PDE4A: variants seen among roughly 807,000 people sequenced by gnomAD.
PDE4A encodes 3',5'-cyclic-AMP phosphodiesterase 4A.
A neutral mutation model predicts 73.9 loss-of-function variants in PDE4A; 21 were observed. That is an observed-to-expected ratio of 0.28 (90% CI 0.20 to 0.41). The LOEUF is 0.41. Ranked by LOEUF, PDE4A falls within the 10% of genes least tolerant of loss-of-function variation. The pLI is 1.00. For missense variants in PDE4A, 958 were observed against 1,211.4 expected, an observed-to-expected ratio of 0.79 and a Z score of 3.10; for synonymous variants, 463 against 505.4, an observed-to-expected ratio of 0.92 and a Z score of 1.13.
chr19:10,420,548 G>T lies in PDE4A; in HGVS notation c.-217G>T, dbSNP rs753859. On this transcript the variant is annotated 5_prime_UTR_variant, in exon 1 of 15. Transcript: ENST00000380702. This position sits in a 1 kb window ranked among gnomAD's most constrained non-coding sequence, Gnocchi z 6.0. ...AGCGCGGAGCGCGGAGAGCGCCGCCGGGCACTGAGCAGAGCTCCAGGCGCC... is the reference window on the plus strand; with the variant it reads ...AGCGCGGAGCGCGGAGAGCGCCGCCTGGCACTGAGCAGAGCTCCAGGCGCC... The T allele has an allele frequency of 7.7e-6, 9 of 1,170,782 alleles. No individual in the cohort carries two copies. The highest frequency in any genetic ancestry group is 2.1e-6 in the Non-Finnish European group (2 of 944,164). 72.5% of individuals were successfully genotyped at this position (1,170,782 alleles called of 1,614,324 possible).
chr19:10,420,399 C>T (rs970300913), upstream of PDE4A: 78 of 972,918 alleles, frequency 8.0e-5, no homozygotes, highest in Admixed American at 6.8e-4. The surrounding 1 kb of genome is among the most constrained non-coding windows in gnomAD (Gnocchi z 6.0). Flanking sequence ...TAGGTAGCTG[C>T]CCCCCGCTGG....
Position 10,420,920 on chromosome 19 carries a change from G to C in PDE4A, c.156G>C (p.Ala52=). The change falls in exon 1 of 15, where the codon GCG becomes GCC. Residue 52 remains alanine, a synonymous_variant. Coordinates refer to ENST00000380702, the MANE Select transcript of PDE4A (RefSeq NM_001111307.2). The surrounding 1 kb of genome is among the most constrained non-coding windows in gnomAD (Gnocchi z 6.0). The part of the protein sequence containing the change: ...RIQQRGYSDS[A]ERAERERQPH... Reference sequence around the variant, plus strand: ...AGCAGCGCGGCTACTCCGACAGCGCGGAGCGCGCCGAGCGGGAGCGGCAGC... The same window carrying C: ...AGCAGCGCGGCTACTCCGACAGCGCCGAGCGCGCCGAGCGGGAGCGGCAGC... The C allele has an allele frequency of 6.3e-7, 1 of 1,582,000 alleles. No homozygotes were observed. The highest frequency in any genetic ancestry group is 8.5e-7 in the Non-Finnish European group (1 of 1,173,120).
At chr19:10,450,246 C>T (rs1381766016) in intron 4 of PDE4A, among the ~76,000 whole-genome samples, 1 of 152,174 alleles carries the variant, frequency 6.6e-6, no homozygotes, top group Non-Finnish European at 1.5e-5. Context: ...AGAGATGTGG[C>T]TGAGAGCTGC....
At chr19:10,451,768 A>G (rs866875223) in intron 6 of PDE4A, among the ~76,000 whole-genome samples, 5 of 152,130 alleles carry the variant, frequency 3.3e-5, no homozygotes, top group Admixed American at 1.3e-4. Flanking sequence ...AGGGGACACC[A>G]TTCAGGAAGC....
intron 13 of PDE4A, among the ~76,000 whole-genome samples, chr19:10,463,217 G>T (rs562901670): frequency 3.4e-5 from 5 of 146,232 alleles, no homozygotes; most frequent in Non-Finnish European, 6.0e-5. Flanking sequence ...AGCCTCTAGC[G>T]TAGCTGGGAT....
rs373998381 is a variant in PDE4A at position 10,459,392 on chromosome 19, T to C, written c.1102-8T>C. On this transcript the variant is annotated splice_region_variant and splice_polypyrimidine_tract_variant and intron_variant, in intron 8 of 14. Transcript: ENST00000380702. Reference sequence around the variant, plus strand: ...AGGCTTCTGACCTCTGGCCTCCGTCTCCACCAGGAACTGGAGAACCTGAAC... The same window carrying C: ...AGGCTTCTGACCTCTGGCCTCCGTCCCCACCAGGAACTGGAGAACCTGAAC... 5 of 1,614,106 alleles carry C rather than the reference T, an allele frequency of 3.1e-6. No individual in the cohort carries two copies. Among genetic ancestry groups the C allele is most frequent in the South Asian group, 1.1e-5 (1 of 91,086 alleles).
rs1249014407 is a variant in PDE4A at position 10,424,465 on chromosome 19, G to T, written c.320+3381G>T. ...AAGTCCCTGGATGTGGGTTGGGAGC[G>T]GGTCTCCCCGCGCGCCCTCTGCTGG... On this transcript the variant is annotated intron_variant, in intron 1 of 14. Transcript: ENST00000380702. The surrounding 1 kb of genome is among the most constrained non-coding windows in gnomAD (Gnocchi z 4.8). Among the ~76,000 whole-genome samples the T allele has an allele frequency of 1.3e-5, 2 of 152,212 alleles. No individual in the cohort carries two copies. The highest frequency in any genetic ancestry group is 4.8e-5 in the African/African-American group (2 of 41,450).
upstream of PDE4A, chr19:10,420,409 G>A: frequency 7.2e-6 from 7 of 970,176 alleles, no homozygotes; most frequent in Non-Finnish European, 8.6e-6. The surrounding 1 kb of genome is among the most constrained non-coding windows in gnomAD (Gnocchi z 6.0). Context: ...CCCCCCGCTG[G>A]CCCGGACGGA....
chr19:10,417,544 G>A (rs2042599666), upstream of PDE4A: 2 of 1,445,470 alleles, frequency 1.4e-6, no homozygotes, highest in Non-Finnish European at 1.8e-6. Context: ...ACGTGAAGGG[G>A]AGCCTATACC....
In PDE4A at chr19:10,467,476, T is replaced by A; in HGVS notation, c.2516T>A (p.Leu839His). 6.2e-7 allele frequency: 1 copy of A among 1,612,832 alleles called. No homozygotes were observed. The highest frequency in any genetic ancestry group is 8.5e-7 in the Non-Finnish European group (1 of 1,179,716). ...VSEHAPGLPG[L>H]PSTAAEVEAQ... is the part of the protein sequence containing the mutation. ...GAGCATGCCCCGGGCCTCCCGGGCC[T>A]CCCCTCCACGGCGGCCGAGGTGGAG... The change falls in exon 15 of 15, where the codon CTC becomes CAC. Residue 839 changes from leucine to histidine, a missense_variant. Leu to His is a moderately conservative substitution (Grantham distance 99). Coordinates refer to ENST00000380702, the MANE Select transcript of PDE4A (RefSeq NM_001111307.2).
intron 1 of PDE4A, chr19:10,430,759 G>C (rs2042776568): frequency 2.6e-6 from 1 of 390,638 alleles, no homozygotes; most frequent in Non-Finnish European, 3.5e-6. Context: ...CCGCGGGCCC[G>C]GGGCTGGGCA....
chr19:10,417,398 G>C, upstream of PDE4A: 1 of 985,320 alleles, frequency 1.0e-6, no homozygotes, highest in Non-Finnish European at 1.2e-6. Context: ...ACTTGAGACA[G>C]AATGTCTAGA....
chr19:10,420,950 C>A lies in PDE4A; in HGVS notation c.186C>A (p.His62Gln). 6.4e-7 allele frequency: 1 copy of A among 1,562,488 alleles called. No individual in the cohort carries two copies. The highest frequency in any genetic ancestry group is 1.2e-5 in the South Asian group (1 of 86,200). Residue 62 changes from histidine (H) to glutamine (Q), a missense_variant, in exon 1 of 15, where the codon CAC becomes CAA. His to Gln is a conservative substitution (Grantham distance 24, BLOSUM62 0). Coordinates refer to ENST00000380702, the MANE Select transcript of PDE4A (RefSeq NM_001111307.2). This position sits in a 1 kb window ranked among gnomAD's most constrained non-coding sequence, Gnocchi z 6.0. Reference sequence around the variant, plus strand: ...GCGCCGAGCGGGAGCGGCAGCCGCACCGGCCCATAGAGCGCGCCGATGCCA... The same window carrying A: ...GCGCCGAGCGGGAGCGGCAGCCGCAACGGCCCATAGAGCGCGCCGATGCCA... ...AERAERERQP[H>Q]RPIERADAMD...
At chr19:10,419,618 A>G (rs144309239), upstream of PDE4A, 13 of 152,756 alleles carry the variant, frequency 8.5e-5, no homozygotes, top group East Asian at 2.5e-3. Flanking sequence ...AAGGGAACCA[A>G]TGGGACACAC....
At position 10,467,540 on chromosome 19, in the gene PDE4A, T is replaced by G. The variant is rs1280859634; in HGVS notation, c.2580T>G (p.Ser860Arg). The change falls in exon 15 of 15, where the codon AGT becomes AGG. Residue 860 changes from serine to arginine, a missense_variant. Transcript: ENST00000380702. ...ACCAGGCTGCCAAGAGGGCTTGCAG[T>G]GCCTGCGCAGGGACATTTGGGGAGG... Reference protein sequence around the residue: ...REHQAAKRACSACAGTFGEDT... With the variant: ...REHQAAKRACRACAGTFGEDT... 6.2e-7 allele frequency: 1 copy of G among 1,612,004 alleles called. No individual in the cohort carries two copies. Among genetic ancestry groups the G allele is most frequent in the East Asian group, 2.2e-5 (1 of 44,792 alleles).
chr19:10,453,259 C>T lies in PDE4A; in HGVS notation c.784-1570C>T, dbSNP rs2043121555. On this transcript the variant is annotated intron_variant, in intron 6 of 14. Transcript: ENST00000380702. This position sits in a 1 kb window ranked among gnomAD's most constrained non-coding sequence, Gnocchi z 4.6. Reference sequence around the variant, plus strand: ...CAGCAGCCCCAGGCGGGCTAAGTCTCCAAGATGCCCTTGGTGGATTTCTTC... The same window carrying T: ...CAGCAGCCCCAGGCGGGCTAAGTCTTCAAGATGCCCTTGGTGGATTTCTTC... The T allele has an allele frequency of 1.2e-6, 2 of 1,612,128 alleles. No individual in the cohort carries two copies. The highest frequency in any genetic ancestry group is 1.7e-6 in the Non-Finnish European group (2 of 1,179,172).
At position 10,454,883 on chromosome 19, in the gene PDE4A, G is replaced by A. The variant is rs2043147219; in HGVS notation, c.838G>A (p.Gly280Arg). Reference protein sequence around the residue: ...LTHLSEMSRSGNQVSEYISTT... With the variant: ...LTHLSEMSRSRNQVSEYISTT... ...ACACCTGTCAGAAATGAGCAGGTCC[G>A]GAAACCAGGTCTCAGAGTACATTTC... The change falls in exon 7 of 15, where the codon GGA (glycine) becomes AGA (arginine). Residue 280 changes from glycine (G) to arginine (R), a missense_variant. Around this residue, in one of 3 missense-constraint regions of PDE4A, gnomAD observed 570 missense variants for 827.7 expected, o/e 0.69. Transcript: ENST00000380702. 1.2e-6 allele frequency: 2 copies of A among 1,613,986 alleles called. No individual in the cohort carries two copies. Among genetic ancestry groups the A allele is most frequent in the African/African-American group, 1.3e-5 (1 of 74,916 alleles).
At position 10,457,743 on chromosome 19, in the gene PDE4A, C is replaced by A. The variant is rs541124818; in HGVS notation, c.878-136C>A. On this transcript the variant is annotated intron_variant, in intron 7 of 14. Transcript: ENST00000380702. ...CCTCTGGTTTCCTGACTCTGAGTAGCCAGCGGCATCACAGCTGAAAGGGTT... is the reference window on the plus strand; with the variant it reads ...CCTCTGGTTTCCTGACTCTGAGTAGACAGCGGCATCACAGCTGAAAGGGTT... 2.1e-6 allele frequency: 3 copies of A among 1,445,280 alleles called. No homozygotes were observed. In the African/African-American group the frequency reaches 4.3e-5, roughly 21 times the overall value. The allele number at this position is 1,445,280 out of a possible 1,614,324, so 89.5% of individuals were successfully genotyped here.
In PDE4A at chr19:10,459,499, G is replaced by A. The variant is rs1393378030; in HGVS notation, c.1200+1G>A. The A allele has an allele frequency of 1.2e-6, 2 of 1,613,542 alleles. No individual in the cohort carries two copies. Among genetic ancestry groups the A allele is most frequent in the Non-Finnish European group, 1.7e-6 (2 of 1,179,588 alleles). On this transcript the variant is annotated splice_donor_variant, in intron 9 of 14. Transcript: ENST00000380702. LOFTEE classifies it high-confidence loss of function. ...CTGCATCATGTACATGATATTCCAG[G>A]TGATGGGGACAGCTGGGAGTGGGCC...
Sources: allele counts gnomAD v4.1 joint callset (sites outside exome capture counted in the v4.1 genomes callset), GRCh38; gene constraint gnomAD v4.1.1; regional missense constraint gnomAD v4.1.1; non-coding constraint Gnocchi (gnomAD v3.1); transcripts MANE v1.5; gene names NCBI Gene and HGNC (gene_info 2026-07-23, HGNC 2026-07-21).